The following ALKBH8 variants were observed in gnomAD, a reference collection of about 807,000 sequenced individuals.
The protein encoded by ALKBH8 is tRNA (carboxymethyluridine(34)-5-O)-methyltransferase ALKBH8.
A neutral mutation model predicts 59.8 loss-of-function variants in ALKBH8; 36 were observed. The ratio of observed to expected loss-of-function variants is 0.60; its 90% CI spans 0.46 to 0.79. The LOEUF (loss-of-function observed/expected upper bound fraction) is 0.79, where lower values mean the gene tolerates loss of function less well. Among genes scored for constraint, ALKBH8 ranks in the 30% least tolerant of loss-of-function variants. ALKBH8 has a pLI of 0.00. For missense variants in ALKBH8, 768 were observed against 801.0 expected (o/e 0.96, Z 0.50); for synonymous variants, 276 against 273.6 (o/e 1.01, Z -0.09).
At chr11:107,555,501 C>G (rs1055550055) in intron 3 of ALKBH8, among the ~76,000 whole-genome samples, 1 of 152,144 alleles carries the variant, frequency 6.6e-6, no homozygotes, top group African/African-American at 2.4e-5. Context: ...ACTCAGTTTT[C>G]AAAAACTGAC....
Position 107,563,468 on chromosome 11 carries a change from A to C in ALKBH8, c.-7+2133T>G, listed in dbSNP as rs183825669. 3.7e-3 allele frequency: 557 copies of C among 152,334 alleles called. 3 individuals are homozygous for C. Among genetic ancestry groups the C allele is most frequent in the African/African-American group, 0.013 (533 of 41,570 alleles). The allele number at this position is 152,334 out of a possible 1,614,324, so 9.4% of individuals were successfully genotyped here. On this transcript the variant is annotated intron_variant, in intron 1 of 11. Transcript: ENST00000428149. ...GCTCTGTGTTCCAGTTTCTTTATCTAGGAATAGGGATAAAAATAATAGTGC... is the reference window on the plus strand; with the variant it reads ...GCTCTGTGTTCCAGTTTCTTTATCTCGGAATAGGGATAAAAATAATAGTGC...
rs538921240 is a variant in ALKBH8 at position 107,531,210 on chromosome 11, G to A, written c.878+1090C>T. ...GGACAGGTTATAAATTCTTTTACAT[G>A]TTCATTTCCTTGAGTTTTTATAAAA... On this transcript the variant is annotated intron_variant, in intron 8 of 11. Transcript: ENST00000428149. 3.9e-5 allele frequency among the ~76,000 whole-genome samples: 6 copies of A among 151,976 alleles called. No individual in the cohort carries two copies. The South Asian group carries it at 1.2e-3, about 32-fold the overall frequency.
At chr11:107,531,101 T>G (rs1863575804) in intron 8 of ALKBH8, among the ~76,000 whole-genome samples, 2 of 151,174 alleles carry the variant, frequency 1.3e-5, no homozygotes, top group African/African-American at 4.9e-5. Context: ...GTGCAAATAT[T>G]TTAATGGCCA....
chr11:107,547,131 G>A (rs1864293977), intron 7 of ALKBH8, among the ~76,000 whole-genome samples: 2 of 152,126 alleles, frequency 1.3e-5, no homozygotes, highest in African/African-American at 4.8e-5. Context: ...TAATGCCACT[G>A]ACAAAATTAT....
chr11:107,508,674 C>T (rs1325686196), intron 11 of ALKBH8, among the ~76,000 whole-genome samples: 3 of 152,116 alleles, frequency 2.0e-5, no homozygotes, highest in Non-Finnish European at 4.4e-5. Context: ...CCCATGCCTC[C>T]CTCCCACAGC....
chr11:107,519,364 C>T (rs547862813), intron 10 of ALKBH8, among the ~76,000 whole-genome samples: 10 of 152,264 alleles, frequency 6.6e-5, no homozygotes, highest in African/African-American at 2.4e-4. Context: ...CTCGGCCTCC[C>T]AAAGTGCTGG....
Position 107,554,418 on chromosome 11 carries a change from A to T in ALKBH8, c.368-440T>A, listed in dbSNP as rs138555757. 2.0e-5 allele frequency among the ~76,000 whole-genome samples: 3 copies of T among 152,362 alleles called. No individual in the cohort carries two copies. The East Asian group carries it at 5.8e-4, about 29-fold the overall frequency. The stretch of plus-strand genomic sequence containing the variant: ...ATAGAGAAATGTAAAATAAAATACA[A>T]CTTTCTAAAGAAATACAAAATATCA... On this transcript the variant is annotated intron_variant, in intron 3 of 11. Coordinates refer to ENST00000428149, the MANE Select transcript of ALKBH8 (RefSeq NM_138775.3).
At chr11:107,534,980 C>T (rs1489241556) in intron 7 of ALKBH8, among the ~76,000 whole-genome samples, 4 of 152,174 alleles carry the variant, frequency 2.6e-5, no homozygotes, top group Non-Finnish European at 2.9e-5. Flanking sequence ...AGCTTAGCTC[C>T]CACTTATGAG....
At chr11:107,514,882 C>T (rs561816102) in intron 10 of ALKBH8, among the ~76,000 whole-genome samples, 2 of 152,156 alleles carry the variant, frequency 1.3e-5, no homozygotes, top group Admixed American at 1.3e-4. Context: ...AAGTTATTAC[C>T]TGAGAGCCAC....
chr11:107,556,690 G>A, intron 3 of ALKBH8, 76 bp downstream of exon 3: 1 of 1,063,712 alleles, frequency 9.4e-7, no homozygotes, highest in South Asian at 2.9e-5. Flanking sequence ...CACAATAACT[G>A]AACCTCCCAA....
chr11:107,565,159 T>A (rs1188863465), intron 1 of ALKBH8: 1 of 177,612 alleles, frequency 5.6e-6, no homozygotes. Context: ...AGGCTGACGC[T>A]ACCAGAGGTC....
At position 107,565,490 on chromosome 11, in the gene ALKBH8, C is replaced by T. The variant is rs1487329665; in HGVS notation, c.-7+111G>A. The T allele has an allele frequency of 4.5e-5, 66 of 1,483,068 alleles. 1 individual carries two copies. The highest frequency in any genetic ancestry group is 9.8e-5 in the East Asian group (4 of 40,702). 91.9% of individuals were successfully genotyped at this position (1,483,068 alleles called of 1,614,324 possible). ...GCGCCTCTGGGATCCATCCCCTTTC[C>T]CTAGGTTCTCAGCCCTAGCTGGCAA... On this transcript the variant is annotated intron_variant, in intron 1 of 11. Coordinates refer to ENST00000428149, the MANE Select transcript of ALKBH8 (RefSeq NM_138775.3).
At chr11:107,507,409 G>A (rs17107068) in intron 11 of ALKBH8, among the ~76,000 whole-genome samples, 8,080 of 152,198 alleles carry the variant, frequency 0.053, 440 homozygotes, top group East Asian at 0.22. Context: ...AGGAAACTTT[G>A]TGAGGATTTT....
chr11:107,520,804 C>G (rs963715534), intron 10 of ALKBH8, among the ~76,000 whole-genome samples: 2 of 152,140 alleles, frequency 1.3e-5, no homozygotes, highest in Admixed American at 6.6e-5. Context: ...TGTACAAACT[C>G]TACATTTCCT....
intron 7 of ALKBH8, among the ~76,000 whole-genome samples, chr11:107,536,120 G>A (rs530635947): frequency 4.9e-4 from 75 of 152,268 alleles, no homozygotes; most frequent in African/African-American, 1.7e-3. Context: ...TAAGGCAAAC[G>A]CCAAGCTGTA....
intron 9 of ALKBH8, among the ~76,000 whole-genome samples, chr11:107,523,997 A>G (rs1197617704): frequency 1.3e-5 from 2 of 152,100 alleles, no homozygotes; most frequent in East Asian, 1.9e-4. Flanking sequence ...TCCACAATAT[A>G]TATGTATTTT....
Position 107,560,793 on chromosome 11 carries a change from C to T in ALKBH8, c.101G>A (p.Gly34Asp), listed in dbSNP as rs746298289. The T allele has an allele frequency of 1.2e-6, 2 of 1,612,796 alleles. No individual in the cohort carries two copies. The highest frequency in any genetic ancestry group is 1.7e-6 in the Non-Finnish European group (2 of 1,179,340). The change falls in exon 2 of 12, where the codon GGC (glycine) becomes GAC (aspartate). Residue 34 changes from glycine (G) to aspartate (D), a missense_variant. By Grantham distance (94) the Gly-to-Asp change is moderately conservative. Transcript: ENST00000428149. Reference protein sequence around the residue: ...KAKHTLLRHEGIETVSYATQS... With the variant: ...KAKHTLLRHEDIETVSYATQS... ...AGTGGCATAGGATACTGTCTCAATG[C>T]CTTCATGTCTCAGCAAAGTATGCTT...
intron 7 of ALKBH8, among the ~76,000 whole-genome samples, 194 bp from the exon 8 acceptor site, chr11:107,532,600 A>G (rs1565330026): frequency 6.6e-6 from 1 of 152,184 alleles, no homozygotes; most frequent in Non-Finnish European, 1.5e-5. Flanking sequence ...AAAAAAAGGT[A>G]TTTCATCCAC....
intron 7 of ALKBH8, among the ~76,000 whole-genome samples, chr11:107,544,222 C>T (rs1864160817): frequency 6.6e-6 from 1 of 152,204 alleles, no homozygotes; most frequent in African/African-American, 2.4e-5. Flanking sequence ...AGAATCAGTA[C>T]TCCAAAGGCT....
Sources: gnomAD v4.1 joint callset for allele counts (sites outside exome capture counted in the v4.1 genomes callset) on GRCh38, gnomAD v4.1.1 for gene constraint, MANE v1.5 for transcripts, NCBI Gene and HGNC (gene_info 2026-07-23, HGNC 2026-07-21) for gene names.